Variants in SERTAD4 observed in about 807,000 individuals in gnomAD.
The protein encoded by SERTAD4 is SERTA domain-containing protein 4.
SERTAD4 carries 18 observed loss-of-function variants against 32.9 expected under a neutral mutation model. The ratio of observed to expected loss-of-function variants is 0.55; its 90% CI spans 0.38 to 0.81. The LOEUF (loss-of-function observed/expected upper bound fraction) is 0.81. SERTAD4 is among the 30% of genes least tolerant of loss of function. The pLI is 0.00. For synonymous variants in SERTAD4, 150 were observed against 156.4 expected (o/e 0.96, Z 0.30); for missense variants, 383 against 426.0 (o/e 0.90, Z 0.89).
intron 1 of SERTAD4, among the ~76,000 whole-genome samples, chr1:210,235,341 A>G (rs932545845): frequency 1.3e-5 from 2 of 152,210 alleles, no homozygotes; most frequent in African/African-American, 4.8e-5. Flanking sequence ...TTTCGTGAAC[A>G]TTCAACTTGC....
intron 3 of SERTAD4, among the ~76,000 whole-genome samples, chr1:210,240,769 C>T (rs2083986863): frequency 6.6e-6 from 1 of 152,158 alleles, no homozygotes; most frequent in African/African-American, 2.4e-5. Flanking sequence ...TACTTTGGTC[C>T]TTCAACTGAC....
chr1:210,239,706 C>A, intron 3 of SERTAD4, 98 bp downstream of exon 3: 2 of 681,164 alleles, frequency 2.9e-6, no homozygotes, highest in Non-Finnish European at 2.4e-6. Flanking sequence ...TTCACCCAAG[C>A]AATGAAAATG....
rs1438710144 is a variant in SERTAD4, at chr1:210,242,525, T to C, written c.*188T>C. The C allele has an allele frequency of 1.6e-5, 21 of 1,333,918 alleles. No homozygotes were observed. The highest frequency in any genetic ancestry group is 2.0e-5 in the Non-Finnish European group (21 of 1,050,162). 82.6% of individuals were successfully genotyped at this position (1,333,918 alleles called of 1,614,324 possible). On this transcript the variant is annotated 3_prime_UTR_variant, in exon 4 of 4. Coordinates refer to ENST00000367012, the MANE Select transcript of SERTAD4 (RefSeq NM_019605.5). This position sits in a 1 kb window ranked among gnomAD's most constrained non-coding sequence, Gnocchi z 4.0. Reference sequence around the variant, plus strand: ...ATAGCAGGCATCAGCGAGCTTCTTATAAATGTGGTGATTTTTACCAAGGAA... The same window carrying C: ...ATAGCAGGCATCAGCGAGCTTCTTACAAATGTGGTGATTTTTACCAAGGAA...
Position 210,238,015 on chromosome 1 carries a change from G to A in SERTAD4, c.55G>A (p.Ala19Thr). 6.2e-7 allele frequency: 1 copy of A among 1,613,992 alleles called. No individual in the cohort carries two copies. The highest frequency in any genetic ancestry group is 8.5e-7 in the Non-Finnish European group (1 of 1,179,986). ...RFCEPIVSEG[A>T]AEIAGYQTLW... ...CTGCGAGCCCATTGTCTCGGAAGGA[G>A]CTGCTGAAATTGCTGGGTACCAAAC... Residue 19 changes from alanine (A) to threonine (T), a missense_variant, in exon 2 of 4, where the codon GCT (alanine) becomes ACT (threonine). Coordinates refer to ENST00000367012, the MANE Select transcript of SERTAD4 (RefSeq NM_019605.5).
intron 1 of SERTAD4, chr1:210,233,999 A>AG: frequency 2.7e-6 from 1 of 373,274 alleles, no homozygotes. Flanking sequence ...TTTTTTAAAA[A>AG]AAAAAAAGGA....
intron 2 of SERTAD4, among the ~76,000 whole-genome samples, chr1:210,238,833 T>C (rs2083968961): frequency 6.6e-6 from 1 of 152,196 alleles, no homozygotes; most frequent in Non-Finnish European, 1.5e-5. Flanking sequence ...GTATTAGCTA[T>C]TTTTAAAAGA....
Position 210,242,628 on chromosome 1 carries a change from G to C in SERTAD4, c.*291G>C. On this transcript the variant is annotated 3_prime_UTR_variant, in exon 4 of 4. Transcript: ENST00000367012. The surrounding 1 kb of genome is among the most constrained non-coding windows in gnomAD (Gnocchi z 4.0). ...AGTAGATGAGATTGGGGGACAATGT[G>C]CCCTTGCAATATTTCCATTGCCCCC... The C allele has an allele frequency of 8.9e-7, 1 of 1,120,232 alleles. No individual in the cohort carries two copies. Among genetic ancestry groups the C allele is most frequent in the Non-Finnish European group, 1.1e-6 (1 of 918,370 alleles). The allele number at this position is 1,120,232 out of a possible 1,614,324, so 69.4% of individuals were successfully genotyped here. A position where few individuals can be genotyped will look rare whatever the true frequency, so the allele number is the denominator to read the frequency against.
In SERTAD4 at chr1:210,241,792, C is replaced by A; in HGVS notation, c.526C>A (p.Pro176Thr). The change falls in exon 4 of 4, where the codon CCA (proline) becomes ACA (threonine). Residue 176 changes from proline (P) to threonine (T), a missense_variant. Physicochemically the swap from Pro to Thr is conservative, Grantham distance 38. This residue lies in a region of SERTAD4 where 107 missense variants were observed against 158.8 expected (regional missense o/e 0.67). Transcript: ENST00000367012. ...TCAAGACTGCCCTTACCGAAAACGACCACGGATGGCCAAAGAGGAATGTGA... is the reference window on the plus strand; with the variant it reads ...TCAAGACTGCCCTTACCGAAAACGAACACGGATGGCCAAAGAGGAATGTGA... ...MAQDCPYRKR[P>T]RMAKEECEKF... The A allele has an allele frequency of 6.2e-7, 1 of 1,614,134 alleles. No individual in the cohort carries two copies. The highest frequency in any genetic ancestry group is 8.5e-7 in the Non-Finnish European group (1 of 1,180,026).
chr1:210,242,787 A>C lies in SERTAD4; in HGVS notation c.*450A>C. 1 of 988,538 alleles carries C rather than the reference A, an allele frequency of 1.0e-6. No homozygotes were observed. The highest frequency in any genetic ancestry group is 1.2e-6 in the Non-Finnish European group (1 of 831,820). 61.2% of individuals were successfully genotyped at this position (988,538 alleles called of 1,614,324 possible). On this transcript the variant is annotated 3_prime_UTR_variant, in exon 4 of 4. Transcript: ENST00000367012. The surrounding 1 kb of genome is among the most constrained non-coding windows in gnomAD (Gnocchi z 4.0). ...TGATACAATATTTTTTTTAAATAAAAGACTAAAGACAGGGAGCTAGATGAA... is the reference window on the plus strand; with the variant it reads ...TGATACAATATTTTTTTTAAATAAACGACTAAAGACAGGGAGCTAGATGAA...
rs1046842721 is a variant in SERTAD4 at position 210,244,052 on chromosome 1, A to G, written c.*1715A>G. Reference sequence around the variant, plus strand: ...GATGCTTGTATATGAATGTGTTGTAATAAAGTGAGGTTTTCTTGATATATA... The same window carrying G: ...GATGCTTGTATATGAATGTGTTGTAGTAAAGTGAGGTTTTCTTGATATATA... On this transcript the variant is annotated 3_prime_UTR_variant, in exon 4 of 4. Transcript: ENST00000367012. 6.6e-6 allele frequency: 1 copy of G among 152,194 alleles called. No individual in the cohort carries two copies. Among genetic ancestry groups the G allele is most frequent in the African/African-American group, 2.4e-5 (1 of 41,438 alleles). 9.4% of individuals were successfully genotyped at this position (152,194 alleles called of 1,614,324 possible).
In SERTAD4 at chr1:210,244,278, C is replaced by T. The variant is rs1056116073; in HGVS notation, c.*1941C>T. ...CAGGTGTTTCAGAATGATCCTAGTT[C>T]GTAAGTTTAAGTTTCTATTGATTAA... On this transcript the variant is annotated 3_prime_UTR_variant, in exon 4 of 4. Coordinates refer to ENST00000367012, the MANE Select transcript of SERTAD4 (RefSeq NM_019605.5). The T allele has an allele frequency of 2.0e-5, 3 of 151,954 alleles. No individual in the cohort carries two copies. The highest frequency in any genetic ancestry group is 7.3e-5 in the African/African-American group (3 of 41,314). The allele number at this position is 151,954 out of a possible 1,614,324, so 9.4% of individuals were successfully genotyped here.
chr1:210,243,032 T>C lies in SERTAD4; in HGVS notation c.*695T>C, dbSNP rs551538203. 2.0e-6 allele frequency: 2 copies of C among 984,400 alleles called. No individual in the cohort carries two copies. The highest frequency in any genetic ancestry group is 9.4e-5 in the South Asian group (2 of 21,210). The allele number at this position is 984,400 out of a possible 1,614,324, so 61.0% of individuals were successfully genotyped here. On this transcript the variant is annotated 3_prime_UTR_variant, in exon 4 of 4. Coordinates refer to ENST00000367012, the MANE Select transcript of SERTAD4 (RefSeq NM_019605.5). ...TTTTGGTGCCTTACTTTTATCTTAATTTTTGCCAATGTGAAAATTAAGGAT... is the reference window on the plus strand; with the variant it reads ...TTTTGGTGCCTTACTTTTATCTTAACTTTTGCCAATGTGAAAATTAAGGAT...
chr1:210,238,948 CATTA>C (rs1314650682), intron 2 of SERTAD4, among the ~76,000 whole-genome samples: 3 of 151,960 alleles, frequency 2.0e-5, no homozygotes, highest in Non-Finnish European at 4.4e-5. Context: ...GTGAAAAGGA[CATTA>C]GTTACCCAAA....
chr1:210,236,533 C>T (rs1391348046), intron 1 of SERTAD4, among the ~76,000 whole-genome samples: 10 of 152,336 alleles, frequency 6.6e-5, no homozygotes, highest in South Asian at 4.1e-4. Context: ...GATGCTATTT[C>T]GCCTTACCCT....
Position 210,242,104 on chromosome 1 carries a change from A to G in SERTAD4, c.838A>G (p.Lys280Glu). 1 of 1,614,244 alleles carries G rather than the reference A, an allele frequency of 6.2e-7. No homozygotes were observed. Among genetic ancestry groups the G allele is most frequent in the Non-Finnish European group, 8.5e-7 (1 of 1,180,044 alleles). Residue 280 changes from lysine to glutamate, a missense_variant, in exon 4 of 4, where the codon AAA becomes GAA. Lys to Glu is a moderately conservative substitution (Grantham distance 56, BLOSUM62 1). Coordinates refer to ENST00000367012, the MANE Select transcript of SERTAD4 (RefSeq NM_019605.5). The surrounding 1 kb of genome is among the most constrained non-coding windows in gnomAD (Gnocchi z 4.0). ...VRSLGVQEKA[K>E]LNDEKANDDT... Reference sequence around the variant, plus strand: ...ATCACTTGGTGTTCAGGAAAAGGCCAAATTAAATGATGAGAAAGCAAATGA... The same window carrying G: ...ATCACTTGGTGTTCAGGAAAAGGCCGAATTAAATGATGAGAAAGCAAATGA...
In SERTAD4 at chr1:210,242,150, G is replaced by A. The variant is rs2084004616; in HGVS notation, c.884G>A (p.Gly295Asp). 1.2e-6 allele frequency: 2 copies of A among 1,614,134 alleles called. No homozygotes were observed. The highest frequency in any genetic ancestry group is 1.7e-6 in the Non-Finnish European group (2 of 1,180,032). Residue 295 changes from glycine (G) to aspartate (D), a missense_variant, in exon 4 of 4, where the codon GGC (glycine) becomes GAC (aspartate). Physicochemically the swap from Gly to Asp is moderately conservative, Grantham distance 94. Coordinates refer to ENST00000367012, the MANE Select transcript of SERTAD4 (RefSeq NM_019605.5). The surrounding 1 kb of genome is among the most constrained non-coding windows in gnomAD (Gnocchi z 4.0). ...KANDDTNRDG[G>D]PLSHEPVGND... The stretch of plus-strand genomic sequence containing the variant: ...AATGATGACACCAACAGAGATGGTG[G>A]CCCCCTCAGCCACGAACCTGTGGGA...
intron 1 of SERTAD4, among the ~76,000 whole-genome samples, chr1:210,234,942 G>A (rs2147843919): frequency 6.6e-6 from 1 of 152,282 alleles, no homozygotes; most frequent in Admixed American, 6.5e-5. Flanking sequence ...GAAAAGCTTG[G>A]CATTCTAGCC....
intron 2 of SERTAD4, among the ~76,000 whole-genome samples, chr1:210,238,862 G>A (rs1318145341): frequency 6.6e-6 from 1 of 152,086 alleles, no homozygotes; most frequent in Non-Finnish European, 1.5e-5. Flanking sequence ...TATAAAACAA[G>A]TACTCAATGA....
chr1:210,237,912 T>G, intron 1 of SERTAD4, 32 bp from the exon 2 acceptor site: 1 of 1,561,460 alleles, frequency 6.4e-7, no homozygotes, highest in Non-Finnish European at 8.7e-7. Context: ...GGCTGTTTTC[T>G]TCATTCTTGT....
Sources: allele counts gnomAD v4.1 joint callset (sites outside exome capture counted in the v4.1 genomes callset), GRCh38; gene constraint gnomAD v4.1.1; regional missense constraint gnomAD v4.1.1; non-coding constraint Gnocchi (gnomAD v3.1); transcripts MANE v1.5; gene names NCBI Gene and HGNC (gene_info 2026-07-23, HGNC 2026-07-21).